Variants in KAZN observed in about 807,000 individuals in gnomAD.
The protein encoded by KAZN is kazrin, periplakin interacting protein.
A neutral mutation model predicts 87.4 loss-of-function variants in KAZN; 40 were observed. That is an observed-to-expected ratio of 0.46 (90% CI 0.36 to 0.60). KAZN has a LOEUF of 0.60. Among genes scored for constraint, KAZN ranks in the 20% least tolerant of loss-of-function variants. The pLI is 0.00. For missense variants in KAZN, 898 were observed against 1,073.9 expected (o/e 0.84, Z 2.29); for synonymous variants, 466 against 458.3 (o/e 1.02, Z -0.22).
At chr1:14,755,969 G>A (rs1399699199) in intron 1 of KAZN, among the ~76,000 whole-genome samples, 3 of 152,178 alleles carry the variant, frequency 2.0e-5, no homozygotes, top group African/African-American at 4.8e-5. Flanking sequence ...TGTCTAGAAT[G>A]GTACCAAGGA....
chr1:14,719,834 G>A (rs991302260), intron 1 of KAZN, among the ~76,000 whole-genome samples: 9 of 152,178 alleles, frequency 5.9e-5, no homozygotes, highest in African/African-American at 2.2e-4. Flanking sequence ...GTGAGACTCT[G>A]TTTAAGAAAA....
intron 2 of KAZN, among the ~76,000 whole-genome samples, chr1:14,407,564 G>C (rs1052533151): frequency 6.6e-6 from 1 of 152,156 alleles, no homozygotes; most frequent in Non-Finnish European, 1.5e-5. Context: ...AAATCAGACA[G>C]ATCTGGGGTC....
At chr1:14,255,393 A>C (rs1650428039) in intron 2 of KAZN, among the ~76,000 whole-genome samples, 1 of 152,086 alleles carries the variant, frequency 6.6e-6, no homozygotes, top group African/African-American at 2.4e-5. Flanking sequence ...AAACTAATCA[A>C]ATGTGTTTCA....
intron 2 of KAZN, among the ~76,000 whole-genome samples, chr1:14,332,166 TG>T (rs1297857702): frequency 1.3e-5 from 2 of 152,212 alleles, no homozygotes; most frequent in Non-Finnish European, 2.9e-5. Context: ...TTCCCGACCC[TG>T]GCTCTGGTTC....
chr1:14,050,160 G>A (rs7551709), intron 1 of KAZN, among the ~76,000 whole-genome samples: 140,227 of 150,038 alleles, frequency 0.93, 65,593 homozygotes, highest in African/African-American at 0.96. Flanking sequence ...ATGCTTGTGC[G>A]CGTGTGTGGG....
intron 2 of KAZN, among the ~76,000 whole-genome samples, 180 bp downstream of exon 2, chr1:14,961,055 A>G (rs1318937398): frequency 6.6e-6 from 1 of 152,204 alleles, no homozygotes; most frequent in Non-Finnish European, 1.5e-5. Context: ...CTGGGTGCAG[A>G]TGCCATTCCT....
chr1:14,244,022 C>A (rs1034818581), intron 2 of KAZN, among the ~76,000 whole-genome samples: 9 of 152,328 alleles, frequency 5.9e-5, no homozygotes, highest in Admixed American at 5.2e-4. Context: ...TTTGCACACT[C>A]AATCTATCTT....
chr1:14,414,596 A>G (rs1664590197), intron 2 of KAZN, among the ~76,000 whole-genome samples: 2 of 151,902 alleles, frequency 1.3e-5, no homozygotes, highest in Admixed American at 1.3e-4. Flanking sequence ...ATGTAAAACA[A>G]TCTTGCATGC....
At chr1:14,759,600 G>A (rs1224003329) in intron 1 of KAZN, among the ~76,000 whole-genome samples, 13 of 152,032 alleles carry the variant, frequency 8.6e-5, no homozygotes, top group African/African-American at 2.2e-4. Flanking sequence ...TGTGGCCAGC[G>A]TACCTGCAGG....
chr1:14,880,674 A>G (rs1653242800), intron 1 of KAZN, among the ~76,000 whole-genome samples: 1 of 152,192 alleles, frequency 6.6e-6, no homozygotes, highest in African/African-American at 2.4e-5. Context: ...CTGTTGACCC[A>G]AAGGCTGGGC....
At chr1:14,284,451 G>A (rs1427914308) in intron 2 of KAZN, among the ~76,000 whole-genome samples, 2 of 151,634 alleles carry the variant, frequency 1.3e-5, no homozygotes, top group African/African-American at 4.8e-5. Flanking sequence ...GTGAGCCCCG[G>A]GTTCCAAAAG....
At chr1:15,075,267 TAA>T (rs1289288944) in intron 8 of KAZN, among the ~76,000 whole-genome samples, 14 of 152,142 alleles carry the variant, frequency 9.2e-5, no homozygotes, top group African/African-American at 3.4e-4. Flanking sequence ...CCTCCAACCA[TAA>T]GACTCAACTA....
intron 12 of KAZN, 143 bp from the exon 13 acceptor site, chr1:15,103,880 G>C: frequency 1.3e-6 from 1 of 787,098 alleles, no homozygotes; most frequent in Non-Finnish European, 2.0e-6. Flanking sequence ...ATTGGGGAGG[G>C]GTTCCTCTTC....
In KAZN at chr1:14,590,379, G is replaced by A. The variant is rs535672333; in HGVS notation, c.250-8604G>A. Among the ~76,000 whole-genome samples the A allele has an allele frequency of 4.7e-4, 71 of 152,306 alleles. 1 individual carries two copies. The Middle Eastern group carries it at 0.01, about 22-fold the overall frequency. On this transcript the variant is annotated intron_variant, in intron 2 of 16. Transcript: ENST00000636203. ...GCAGAGAGTGAAGGGGATTGGGTTG[G>A]AAGGGACACAGAAGGTCTCTCACTG... is the stretch of plus-strand genomic sequence containing the variant.
rs186336967 is a variant in KAZN, at chr1:14,551,656, G to A, written c.250-47327G>A. Among the ~76,000 whole-genome samples, 429 of 152,268 alleles carry A rather than the reference G, an allele frequency of 2.8e-3. 2 individuals are homozygous for A. Among genetic ancestry groups the A allele is most frequent in the African/African-American group, 9.5e-3 (396 of 41,554 alleles). On this transcript the variant is annotated intron_variant, in intron 2 of 16. Coordinates refer to the KAZN transcript ENST00000636203. ...AATAGCGACCTGGCTTGAGATATTG[G>A]TGAGTTAGTGGGTGGAGGGAGCGAG...
intron 1 of KAZN, among the ~76,000 whole-genome samples, chr1:14,720,395 C>T (rs1437951469): frequency 2.6e-5 from 4 of 152,184 alleles, no homozygotes; most frequent in Non-Finnish European, 5.9e-5. Flanking sequence ...CAAATGCCAC[C>T]GTGAGTCTGA....
chr1:14,488,020 C>G (rs902477355), intron 2 of KAZN, among the ~76,000 whole-genome samples: 1 of 152,176 alleles, frequency 6.6e-6, no homozygotes, highest in Non-Finnish European at 1.5e-5. Context: ...GACTAAGGAG[C>G]TTTGAGAGTA....
intron 8 of KAZN, chr1:15,068,203 C>T (rs1639347772): frequency 1.7e-6 from 1 of 571,654 alleles, no homozygotes; most frequent in Non-Finnish European, 2.2e-6. Flanking sequence ...GTGGGAGGCT[C>T]TGCCCCTCTG....
chr1:14,650,629 A>T (rs1179050913), intron 1 of KAZN, among the ~76,000 whole-genome samples: 3 of 152,226 alleles, frequency 2.0e-5, no homozygotes, highest in Non-Finnish European at 4.4e-5. Flanking sequence ...GAGAATGTAG[A>T]TCTACTTTCA....
Sources: allele counts gnomAD v4.1 joint callset (sites outside exome capture counted in the v4.1 genomes callset), GRCh38; gene constraint gnomAD v4.1.1; transcripts MANE v1.5; gene names NCBI Gene and HGNC (gene_info 2026-07-23, HGNC 2026-07-21).